The following NEGR1 variants were observed in gnomAD, a reference collection of about 807,000 sequenced individuals.
NEGR1 encodes IgLON family member 4.
In NEGR1, 10 loss-of-function variants were observed where a neutral mutation model predicts 40.9. The ratio of observed to expected loss-of-function variants is 0.24; its 90% CI spans 0.15 to 0.42. The LOEUF (loss-of-function observed/expected upper bound fraction) is 0.42, where lower values mean the gene tolerates loss of function less well. NEGR1 is among the 10% of genes least tolerant of loss of function. NEGR1 has a pLI of 1.00. For synonymous variants in NEGR1, 185 were observed against 166.8 expected (o/e 1.11, Z -0.84); for missense variants, 352 against 438.9 (o/e 0.80, Z 1.77).
At chr1:71,522,544 A>G (rs1264385275) in intron 6 of NEGR1, among the ~76,000 whole-genome samples, 1 of 151,904 alleles carries the variant, frequency 6.6e-6, no homozygotes, top group Non-Finnish European at 1.5e-5. Context: ...TATGAATGAA[A>G]TACAAAGATT....
At chr1:71,678,146 AC>A (rs1329686023) in intron 4 of NEGR1, among the ~76,000 whole-genome samples, 1 of 152,158 alleles carries the variant, frequency 6.6e-6, no homozygotes, top group Non-Finnish European at 1.5e-5. Context: ...ATGTATGTAA[AC>A]AAATTACAAA....
intron 1 of NEGR1, among the ~76,000 whole-genome samples, chr1:72,077,224 A>C (rs933155338): frequency 1.3e-5 from 2 of 151,956 alleles, no homozygotes; most frequent in African/African-American, 2.4e-5. Flanking sequence ...TTAAAGGAAC[A>C]CGAATGTGAT....
At chr1:71,443,023 G>A (rs1646558172) in intron 6 of NEGR1, among the ~76,000 whole-genome samples, 1 of 152,174 alleles carries the variant, frequency 6.6e-6, no homozygotes, top group East Asian at 1.9e-4. Context: ...GGGCAGAACT[G>A]ATTATTCTGC....
intron 6 of NEGR1, among the ~76,000 whole-genome samples, chr1:71,569,828 C>G (rs552195881): frequency 6.6e-6 from 1 of 152,254 alleles, no homozygotes; most frequent in Admixed American, 6.5e-5. Flanking sequence ...TGATTTGAAC[C>G]ATGTTTCAAA....
intron 3 of NEGR1, among the ~76,000 whole-genome samples, chr1:71,765,590 T>A (rs1394385267): frequency 1.3e-5 from 2 of 152,112 alleles, no homozygotes; most frequent in African/African-American, 4.8e-5. Context: ...CACATCTAAG[T>A]TCTTCATTTA....
intron 6 of NEGR1, chr1:71,570,891 G>C (rs1648789123): frequency 6.6e-6 from 1 of 151,984 alleles, no homozygotes; most frequent in Non-Finnish European, 1.5e-5. Context: ...GTGTTTGTGT[G>C]ATTTTATATT....
intron 6 of NEGR1, among the ~76,000 whole-genome samples, chr1:71,496,594 T>C (rs1250143786): frequency 4.9e-4 from 1 of 2,032 alleles, no homozygotes; most frequent in African/African-American, 6.9e-4. Context: ...ATTACATTCT[T>C]TTTTTTTTTA....
chr1:71,605,002 C>A (rs1441986182), intron 5 of NEGR1, among the ~76,000 whole-genome samples: 2 of 152,052 alleles, frequency 1.3e-5, no homozygotes, highest in Non-Finnish European at 2.9e-5. Context: ...CTTTTTCATT[C>A]ATTGGAGTAA....
intron 1 of NEGR1, among the ~76,000 whole-genome samples, chr1:72,194,211 C>T (rs1337967162): frequency 6.6e-6 from 1 of 151,530 alleles, no homozygotes; most frequent in African/African-American, 2.4e-5. Context: ...AAAACAGTGA[C>T]CCTGATAATA....
At chr1:72,112,480 A>G (rs990161334) in intron 1 of NEGR1, among the ~76,000 whole-genome samples, 1 of 151,620 alleles carries the variant, frequency 6.6e-6, no homozygotes, top group Admixed American at 6.6e-5. Flanking sequence ...TTCTGATCTC[A>G]AATTGTTCTG....
intron 1 of NEGR1, among the ~76,000 whole-genome samples, chr1:72,207,746 T>G (rs1653462340): frequency 6.6e-6 from 1 of 151,750 alleles, no homozygotes; most frequent in Non-Finnish European, 1.5e-5. Context: ...CATTTTTAGA[T>G]AAATACTTAT....
intron 6 of NEGR1, among the ~76,000 whole-genome samples, chr1:71,519,918 GT>G (rs1222239125): frequency 6.6e-6 from 1 of 151,706 alleles, no homozygotes; most frequent in Non-Finnish European, 1.5e-5. Context: ...TGTACCTGGG[GT>G]TTTTAAAACT....
At chr1:71,427,734 A>G (rs1378787995) in intron 6 of NEGR1, among the ~76,000 whole-genome samples, 1 of 152,190 alleles carries the variant, frequency 6.6e-6, no homozygotes, top group Non-Finnish European at 1.5e-5. Context: ...AATAAAATAT[A>G]CATTTTGGTT....
chr1:72,131,067 A>C (rs1054625723), intron 1 of NEGR1, among the ~76,000 whole-genome samples: 6 of 152,186 alleles, frequency 3.9e-5, no homozygotes, highest in Non-Finnish European at 7.3e-5. Flanking sequence ...TATCCACTTA[A>C]TTGGCAAATA....
chr1:72,124,788 G>T (rs977524975), intron 1 of NEGR1, among the ~76,000 whole-genome samples: 1 of 152,002 alleles, frequency 6.6e-6, no homozygotes, highest in South Asian at 2.1e-4. Flanking sequence ...AACTGAGGAT[G>T]ACTGTCAAAT....
intron 1 of NEGR1, among the ~76,000 whole-genome samples, chr1:72,250,689 ATTCTT>A (rs1401800759): frequency 6.6e-6 from 1 of 152,160 alleles, no homozygotes; most frequent in East Asian, 1.9e-4. Flanking sequence ...TAACCGTGAA[ATTCTT>A]TTCTTTGTCC....
chr1:71,862,529 T>G (rs1400247127), intron 2 of NEGR1, among the ~76,000 whole-genome samples: 1 of 152,136 alleles, frequency 6.6e-6, no homozygotes, highest in East Asian at 1.9e-4. Context: ...TAAGTTCCTT[T>G]GCTCTGCATT....
At position 71,771,699 on chromosome 1, in the gene NEGR1, C is replaced by CAAAAAAAAAA. The variant is rs60830449; in HGVS notation, c.535+4463_535+4472dup. ...GGGTAACAAAAGCAAGACTTAGTCT[C>CAAAAAAAAAA]AAAAAAAAAAAAAAAAAAAAAAAGG... On this transcript the variant is annotated intron_variant, in intron 3 of 6. Coordinates refer to ENST00000357731, the MANE Select transcript of NEGR1 (RefSeq NM_173808.3). Among the ~76,000 whole-genome samples the CAAAAAAAAAA allele has an allele frequency of 8.1e-3, 98 of 12,082 alleles. 28 individuals are homozygous for CAAAAAAAAAA. Among genetic ancestry groups the CAAAAAAAAAA allele is most frequent in the Non-Finnish European group, 0.012 (76 of 6,202 alleles). 7.9% of individuals were successfully genotyped at this position (12,082 alleles called of 152,430 possible).
At chr1:71,694,528 T>C (rs1653408634) in intron 4 of NEGR1, among the ~76,000 whole-genome samples, 1 of 151,692 alleles carries the variant, frequency 6.6e-6, no homozygotes, top group Non-Finnish European at 1.5e-5. Context: ...ACCAACTAGC[T>C]CTATCTGTAT....
Sources: allele counts gnomAD v4.1 joint callset (sites outside exome capture counted in the v4.1 genomes callset), GRCh38; gene constraint gnomAD v4.1.1; transcripts MANE v1.5; gene names NCBI Gene and HGNC (gene_info 2026-07-23, HGNC 2026-07-21).